Variants in RNPS1 observed in about 807,000 individuals in gnomAD.
The protein encoded by RNPS1 is RNA binding protein with serine rich domain 1.
For missense variants in RNPS1, 300 were observed against 427.6 expected, an observed-to-expected ratio of 0.70 and a Z score of 2.63; for synonymous variants, 147 against 150.0, an observed-to-expected ratio of 0.98 and a Z score of 0.15.
At chr16:2,256,279 G>A (rs963839792) in intron 6 of RNPS1, 5 of 157,028 alleles carry the variant, frequency 3.2e-5, no homozygotes, top group Middle Eastern at 3.1e-3. Context: ...ATGTGCTGGA[G>A]GCCAGACGCG....
At chr16:2,255,554 G>T (rs1295171195) in intron 7 of RNPS1, 31 bp downstream of exon 7, 3 of 1,550,122 alleles carry the variant, frequency 1.9e-6, no homozygotes, top group East Asian at 2.2e-5. Context: ...TTTGTGGCCT[G>T]ATCAGTCCAC....
chr16:2,254,823 G>A lies in RNPS1; in HGVS notation c.819-760C>T, dbSNP rs371576368. ...GTGGCATGATCTTGGCTCACTGCAAGCTCCACCTCCCGGGTTCACGCCATT... is the reference window on the plus strand; with the variant it reads ...GTGGCATGATCTTGGCTCACTGCAAACTCCACCTCCCGGGTTCACGCCATT... On this transcript the variant is annotated intron_variant, in intron 7 of 7. Coordinates refer to ENST00000320225, the MANE Select transcript of RNPS1 (RefSeq NM_080594.4). Among the ~76,000 whole-genome samples, 213 of 142,600 alleles carry A rather than the reference G, an allele frequency of 1.5e-3. 2 individuals are homozygous for A. The East Asian group carries it at 0.031, about 21-fold the overall frequency. 93.6% of individuals were successfully genotyped at this position (142,600 alleles called of 152,430 possible).
Position 2,264,422 on chromosome 16 carries a change from C to T in RNPS1, c.72-91G>A, listed in dbSNP as rs144475801. ...AACGGGGGATCAGCATCAGCAGGGCCACAGAGACCCGAGGTGACCACAGAG... is the reference window on the plus strand; with the variant it reads ...AACGGGGGATCAGCATCAGCAGGGCTACAGAGACCCGAGGTGACCACAGAG... On this transcript the variant is annotated intron_variant, in intron 2 of 7. Coordinates refer to ENST00000320225, the MANE Select transcript of RNPS1 (RefSeq NM_080594.4). 7.9e-5 allele frequency: 125 copies of T among 1,586,098 alleles called. No homozygotes were observed. In the East Asian group the frequency reaches 2.8e-3, roughly 35 times the overall value.
rs2093563831 is a variant in RNPS1 at position 2,253,914 on chromosome 16, C to G, written c.*50G>C. The G allele has an allele frequency of 6.7e-7, 1 of 1,492,744 alleles. No homozygotes were observed. The highest frequency in any genetic ancestry group is 1.4e-5 in the African/African-American group (1 of 71,818). The allele number at this position is 1,492,744 out of a possible 1,614,324, so 92.5% of individuals were successfully genotyped here. ...TCCTTTGGCTAGAAAAGTGACAAAA[C>G]TGAGCTGGGTGGGGTATAAGTTACA... On this transcript the variant is annotated 3_prime_UTR_variant, in exon 8 of 8. Coordinates refer to ENST00000320225, the MANE Select transcript of RNPS1 (RefSeq NM_080594.4).
intron 6 of RNPS1, among the ~76,000 whole-genome samples, chr16:2,258,987 G>C (rs1395959534): frequency 6.6e-6 from 1 of 151,850 alleles, no homozygotes; most frequent in African/African-American, 2.4e-5. Flanking sequence ...GCTGGATATA[G>C]TGGAGGTTGC....
rs2093569272 is a variant in RNPS1 at position 2,254,722 on chromosome 16, C to T, written c.819-659G>A. Among the ~76,000 whole-genome samples, 4 of 148,916 alleles carry T rather than the reference C, an allele frequency of 2.7e-5. No individual in the cohort carries two copies. The Admixed American group carries it at 2.7e-4, about 10-fold the overall frequency. ...CTGGGATTACAGGCGATTGCTACCA[C>T]ACGTGGCAAAGTTTTACCTTTTTTT... On this transcript the variant is annotated intron_variant, in intron 7 of 7. Transcript: ENST00000320225.
intron 6 of RNPS1, 103 bp downstream of exon 6, chr16:2,262,175 T>A: frequency 8.0e-7 from 1 of 1,248,168 alleles, no homozygotes; most frequent in Non-Finnish European, 1.1e-6. Context: ...AAACTCTGTC[T>A]CAAACAAACA....
At chr16:2,264,106 G>A in intron 3 of RNPS1, 70 bp downstream of exon 3, 1 of 1,550,480 alleles carries the variant, frequency 6.4e-7, no homozygotes, top group Non-Finnish European at 8.8e-7. Flanking sequence ...AGAAAACCGA[G>A]CCATCTGTGG....
intron 7 of RNPS1, 43 bp from the exon 8 acceptor site, chr16:2,254,106 A>G: frequency 7.4e-7 from 1 of 1,351,838 alleles, no homozygotes; most frequent in South Asian, 1.5e-5. Flanking sequence ...CTCAGGCTGT[A>G]GGGGCAAGCT....
At chr16:2,259,137 A>T (rs2093591460) in intron 6 of RNPS1, among the ~76,000 whole-genome samples, 1 of 151,972 alleles carries the variant, frequency 6.6e-6, no homozygotes, top group South Asian at 2.1e-4. Context: ...AAAAAAAAAA[A>T]AAAGGATTGG....
At chr16:2,255,559 G>C in intron 7 of RNPS1, 26 bp downstream of exon 7, 1 of 1,555,986 alleles carries the variant, frequency 6.4e-7, no homozygotes. Flanking sequence ...GGCCTGATCA[G>C]TCCACTGAAA....
chr16:2,263,372 A>C, intron 3 of RNPS1, 85 bp from the exon 4 acceptor site: 1 of 1,378,452 alleles, frequency 7.3e-7, no homozygotes, highest in Non-Finnish European at 1.0e-6. Context: ...TGCTCCCCCC[A>C]GGAGAAACCT....
chr16:2,254,143 GT>G (rs1350664208), intron 7 of RNPS1, 80 bp from the exon 8 acceptor site: 1 of 1,077,262 alleles, frequency 9.3e-7, no homozygotes, highest in Non-Finnish European at 1.3e-6. Context: ...ATTCCCCATA[GT>G]TTTACTTTTT....
chr16:2,260,357 T>C (rs748040564), intron 6 of RNPS1, among the ~76,000 whole-genome samples: 10 of 152,118 alleles, frequency 6.6e-5, no homozygotes, highest in Admixed American at 2.6e-4. Context: ...GGTTTCACGA[T>C]GTTGGCCACG....
intron 5 of RNPS1, 149 bp from the exon 6 acceptor site, chr16:2,262,580 C>T (rs1238137133): frequency 9.8e-7 from 1 of 1,016,024 alleles, no homozygotes; most frequent in Non-Finnish European, 1.5e-6. Context: ...ATCTCCCAGA[C>T]ACATGTATTA....
At chr16:2,259,989 G>A (rs2093595819) in intron 6 of RNPS1, among the ~76,000 whole-genome samples, 2 of 152,104 alleles carry the variant, frequency 1.3e-5, no homozygotes, top group Admixed American at 6.5e-5. Context: ...TTAACTTTTT[G>A]CTTAAAATAT....
chr16:2,262,582 C>T (rs974664497), intron 5 of RNPS1, 151 bp from the exon 6 acceptor site: 5 of 1,011,714 alleles, frequency 4.9e-6, no homozygotes, highest in Admixed American at 4.4e-5. Flanking sequence ...CTCCCAGACA[C>T]ATGTATTAAT....
chr16:2,266,294 T>A, intron 1 of RNPS1: 6 of 985,466 alleles, frequency 6.1e-6, no homozygotes, highest in Non-Finnish European at 7.2e-6. Context: ...CCTTTGCTGC[T>A]CTTGTCCAGG....
chr16:2,266,435 C>A, intron 1 of RNPS1: 1 of 979,506 alleles, frequency 1.0e-6, no homozygotes, highest in South Asian at 4.7e-5. Flanking sequence ...AGCCAGAGGG[C>A]CTGGGTTTGA....
Sources: allele counts gnomAD v4.1 joint callset (sites outside exome capture counted in the v4.1 genomes callset), GRCh38; gene constraint gnomAD v4.1.1; transcripts MANE v1.5; gene names NCBI Gene and HGNC (gene_info 2026-07-23, HGNC 2026-07-21).